The following MCPH1 variants were observed in gnomAD, a reference collection of about 807,000 sequenced individuals.
MCPH1 encodes the protein microcephalin 1.
Under a neutral mutation model 84.5 loss-of-function variants are expected in MCPH1, and 104 were observed. The observed-to-expected ratio is 1.23, with a 90% confidence interval of 1.05 to 1.45. The LOEUF is 1.45. Among genes scored for constraint, MCPH1 ranks in the 40% most tolerant of loss-of-function variants. MCPH1 has a pLI of 0.00. For synonymous variants in MCPH1, 514 were observed against 366.8 expected (o/e 1.40, Z -4.58); for missense variants, 1,498 against 1,005.7 (o/e 1.49, Z -6.62).
At chr8:6,430,636 A>G (rs373201281) in intron 3 of MCPH1, among the ~76,000 whole-genome samples, 2 of 152,324 alleles carry the variant, frequency 1.3e-5, no homozygotes, top group South Asian at 2.1e-4. Flanking sequence ...ATTTTTTCAA[A>G]TAACTGTTCG....
chr8:6,561,033 C>A (rs2922816), intron 12 of MCPH1, among the ~76,000 whole-genome samples: 14,222 of 152,216 alleles, frequency 0.093, 1,768 homozygotes, highest in African/African-American at 0.28. Flanking sequence ...AAGCCATTAA[C>A]CATCAGCTTG....
intron 1 of MCPH1, among the ~76,000 whole-genome samples, chr8:6,407,455 C>G (rs1797902331): frequency 6.6e-6 from 1 of 152,068 alleles, no homozygotes; most frequent in African/African-American, 2.4e-5. Flanking sequence ...GCTGTCCTAA[C>G]CAGTATATGA....
At chr8:6,473,798 A>C in intron 9 of MCPH1, 3 of 1,070,314 alleles carry the variant, frequency 2.8e-6, no homozygotes, top group Non-Finnish European at 3.9e-6. Context: ...ATGTCAGCAG[A>C]GAGATATCAG....
intron 12 of MCPH1, among the ~76,000 whole-genome samples, chr8:6,609,037 C>T (rs904814168): frequency 2.0e-5 from 3 of 152,202 alleles, no homozygotes; most frequent in Admixed American, 6.5e-5. Context: ...CCCAAATTCT[C>T]GCCTAAAACC....
intron 9 of MCPH1, chr8:6,473,908 C>G (rs1808092914): frequency 1.9e-6 from 3 of 1,543,398 alleles, no homozygotes; most frequent in South Asian, 2.5e-5. Context: ...TATTTTCTAG[C>G]TCTTCTGGTT....
intron 8 of MCPH1, 103 bp from the exon 9 acceptor site, chr8:6,455,040 T>A: frequency 2.3e-6 from 2 of 871,576 alleles, no homozygotes; most frequent in Non-Finnish European, 3.9e-6. Context: ...AAAAGGCCTA[T>A]AACTTCCTGT....
intron 3 of MCPH1, among the ~76,000 whole-genome samples, chr8:6,418,572 G>C (rs1352770107): frequency 2.0e-5 from 3 of 151,914 alleles, no homozygotes; most frequent in South Asian, 4.1e-4. Context: ...GACTCCTTAG[G>C]GATATTTTTT....
At chr8:6,554,752 G>A (rs1039574647) in intron 12 of MCPH1, among the ~76,000 whole-genome samples, 18 of 152,146 alleles carry the variant, frequency 1.2e-4, no homozygotes, top group African/African-American at 3.4e-4. Context: ...AGGAGCCCTC[G>A]GAGGGAGCGG....
chr8:6,495,489 T>C (rs1811126516), intron 11 of MCPH1, among the ~76,000 whole-genome samples: 1 of 152,190 alleles, frequency 6.6e-6, no homozygotes, highest in Non-Finnish European at 1.5e-5. Context: ...ACTAGCAAAC[T>C]CTCATAAATG....
intron 13 of MCPH1, chr8:6,625,942 CT>C (rs2129581490): frequency 1.0e-6 from 1 of 977,732 alleles, no homozygotes; most frequent in East Asian, 1.1e-4. Flanking sequence ...CTTTTCCTTT[CT>C]TTATTATTAT....
chr8:6,531,450 G>A (rs927839247), intron 12 of MCPH1, among the ~76,000 whole-genome samples: 1 of 151,800 alleles, frequency 6.6e-6, no homozygotes, highest in Non-Finnish European at 1.5e-5. Context: ...CACCACACCT[G>A]GCTAATTTGT....
At chr8:6,517,326 G>T (rs1816454321) in intron 12 of MCPH1, among the ~76,000 whole-genome samples, 1 of 152,178 alleles carries the variant, frequency 6.6e-6, no homozygotes, top group African/African-American at 2.4e-5. Context: ...CTTCAACTCT[G>T]AGGCAATGAT....
intron 13 of MCPH1, 104 bp from the exon 14 acceptor site, chr8:6,642,890 G>C: frequency 6.5e-6 from 7 of 1,068,732 alleles, no homozygotes; most frequent in Non-Finnish European, 9.9e-6. Flanking sequence ...ACAGCTCTTG[G>C]CTATTTGTTT....
intron 13 of MCPH1, chr8:6,635,551 T>C (rs1479708031): frequency 6.6e-6 from 1 of 152,100 alleles, no homozygotes; most frequent in Non-Finnish European, 1.5e-5. Context: ...GCCGTGATCA[T>C]GCCACTGCAC....
chr8:6,532,191 A>G lies in MCPH1; in HGVS notation c.2214+32262A>G, dbSNP rs1357674056. The G allele has an allele frequency of 3.0e-6, 3 of 996,776 alleles. No individual in the cohort carries two copies. The East Asian group carries it at 7.3e-5, about 24-fold the overall frequency. 61.7% of individuals were successfully genotyped at this position (996,776 alleles called of 1,614,324 possible). A position where few individuals can be genotyped will look rare whatever the true frequency, so the allele number is the denominator to read the frequency against. On this transcript the variant is annotated intron_variant, in intron 12 of 13. Coordinates refer to ENST00000344683, the MANE Select transcript of MCPH1 (RefSeq NM_024596.5). ...AATTCATAAGCAGCCATACATCCTT[A>G]ATTTCTTATCAATTCATTCCTTTTC...
At chr8:6,605,729 A>G (rs1231082963) in intron 12 of MCPH1, among the ~76,000 whole-genome samples, 4 of 151,850 alleles carry the variant, frequency 2.6e-5, no homozygotes. Context: ...ACAGAGTCTC[A>G]CTCTGTCACC....
At chr8:6,617,409 G>C (rs1031122688) in intron 12 of MCPH1, among the ~76,000 whole-genome samples, 1 of 151,298 alleles carries the variant, frequency 6.6e-6, no homozygotes, top group Non-Finnish European at 1.5e-5. Context: ...CTTCCCAAAA[G>C]TTATGATTTT....
At chr8:6,570,426 C>G (rs918276872) in intron 12 of MCPH1, among the ~76,000 whole-genome samples, 8 of 152,118 alleles carry the variant, frequency 5.3e-5, no homozygotes, top group African/African-American at 1.9e-4. Context: ...AGCTCTTTGC[C>G]ATATGTGTTT....
intron 11 of MCPH1, among the ~76,000 whole-genome samples, chr8:6,481,674 C>G (rs1278443419): frequency 6.6e-6 from 1 of 152,186 alleles, no homozygotes; most frequent in Non-Finnish European, 1.5e-5. Flanking sequence ...TGGCCGTCGT[C>G]TTTTTTCCGT....
Sources: allele counts gnomAD v4.1 joint callset (sites outside exome capture counted in the v4.1 genomes callset), GRCh38; gene constraint gnomAD v4.1.1; transcripts MANE v1.5; gene names NCBI Gene and HGNC (gene_info 2026-07-23, HGNC 2026-07-21).